Variants in ARHGDIB observed in about 807,000 individuals in gnomAD.
ARHGDIB encodes rho GDP-dissociation inhibitor 2.
In ARHGDIB, 20 loss-of-function variants were observed where a neutral mutation model predicts 22.6. The ratio of observed to expected loss-of-function variants is 0.88; its 90% confidence interval spans 0.62 to 1.28. ARHGDIB has a LOEUF of 1.28. Among genes scored for constraint, ARHGDIB ranks in the 50% most tolerant of loss-of-function variants. The pLI is 0.00. For missense variants in ARHGDIB, 254 were observed against 245.4 expected (o/e 1.04, Z -0.23); for synonymous variants, 114 against 96.1 (o/e 1.19, Z -1.09).
At chr12:14,944,537 T>C (rs1262993934) in intron 5 of ARHGDIB, among the ~76,000 whole-genome samples, 4 of 152,230 alleles carry the variant, frequency 2.6e-5, no homozygotes, top group Admixed American at 6.5e-5. Flanking sequence ...AGTGATAATA[T>C]TGAATCCAAA....
intron 4 of ARHGDIB, among the ~76,000 whole-genome samples, chr12:14,946,262 G>A (rs1222570039): frequency 6.6e-6 from 1 of 152,096 alleles, no homozygotes; most frequent in African/African-American, 2.4e-5. Context: ...TTGGGAGGCA[G>A]AAAAAAAGTT....
At chr12:14,952,608 G>T (rs775656840) in intron 1 of ARHGDIB, among the ~76,000 whole-genome samples, 1 of 152,222 alleles carries the variant, frequency 6.6e-6, no homozygotes, top group Non-Finnish European at 1.5e-5. Context: ...GCAGCGTGTA[G>T]ATGTTGTAGG....
intron 5 of ARHGDIB, 42 bp from the exon 6 acceptor site, chr12:14,942,763 A>T: frequency 6.4e-7 from 1 of 1,572,190 alleles, no homozygotes; most frequent in Non-Finnish European, 8.7e-7. Flanking sequence ...AGCCTGATAG[A>T]GGAAAAACAT....
chr12:14,950,491 T>C, intron 2 of ARHGDIB, 41 bp downstream of exon 2: 1 of 1,549,762 alleles, frequency 6.5e-7, no homozygotes, highest in Non-Finnish European at 8.7e-7. Context: ...TTCTTCCCTC[T>C]CAGCGATCTT....
At chr12:14,959,359 C>T (rs2430715) in intron 1 of ARHGDIB, among the ~76,000 whole-genome samples, 37,712 of 152,056 alleles carry the variant, frequency 0.25, 4,643 homozygotes, top group African/African-American at 0.27. Context: ...TAGGTAGGAC[C>T]ACAGGCACGC....
In ARHGDIB at chr12:14,946,942, T is replaced by C. The variant is rs117056813; in HGVS notation, c.342+931A>G. Among the ~76,000 whole-genome samples, 74 of 152,354 alleles carry C rather than the reference T, an allele frequency of 4.9e-4. No individual in the cohort carries two copies. The East Asian group carries it at 0.013, about 27-fold the overall frequency. On this transcript the variant is annotated intron_variant, in intron 4 of 5. Transcript: ENST00000228945. ...GTGAACCCTAGCTCAGTGTCCATTA[T>C]AGAGTAGGCATCAACAAATATTTCC... is the stretch of plus-strand genomic sequence containing the variant.
Position 14,942,529 on chromosome 12 carries a change from G to C in ARHGDIB, c.599C>G (p.Thr200Arg), listed in dbSNP as rs769335849. Reference sequence around the variant, plus strand: ...GGAAAGGGGTGGATGCATTCATTCTGTCCACTCCTTCTTAATCGACAGGTT... The same window carrying C: ...GGAAAGGGGTGGATGCATTCATTCTCTCCACTCCTTCTTAATCGACAGGTT... The part of the protein sequence containing the change: ...EWNLSIKKEW[T>R]E Residue 200 changes from threonine (T) to arginine (R), a missense_variant, in exon 6 of 6, where the codon ACA becomes AGA. Transcript: ENST00000228945. The C allele has an allele frequency of 1.2e-6, 2 of 1,614,114 alleles. No individual in the cohort carries two copies. The highest frequency in any genetic ancestry group is 1.3e-5 in the African/African-American group (1 of 75,024).
At chr12:14,960,628 C>T (rs1400680382) in intron 1 of ARHGDIB, among the ~76,000 whole-genome samples, 4 of 152,172 alleles carry the variant, frequency 2.6e-5, no homozygotes, top group Non-Finnish European at 5.9e-5. Context: ...CTCAGCCTCC[C>T]AAATAACTGG....
rs1274295746 is a variant in ARHGDIB, at chr12:14,949,892, G to A, written c.182-7C>T. On this transcript the variant is annotated splice_region_variant and splice_polypyrimidine_tract_variant and intron_variant, in intron 2 of 5. Transcript: ENST00000228945. ...ACATTGGGGGCTTTCGGATCTGCAG[G>A]ATCGAAAGGGAATGTAAGTACCAAG... The A allele has an allele frequency of 1.9e-6, 3 of 1,612,356 alleles. No individual in the cohort carries two copies. Among genetic ancestry groups the A allele is most frequent in the East Asian group, 2.2e-5 (1 of 44,854 alleles).
At chr12:14,943,770 GA>G (rs1471014891) in intron 5 of ARHGDIB, among the ~76,000 whole-genome samples, 1 of 152,182 alleles carries the variant, frequency 6.6e-6, no homozygotes, top group East Asian at 1.9e-4. Flanking sequence ...GTTGGGCATT[GA>G]AAAGTATACA....
chr12:14,949,132 C>T (rs993094846), intron 3 of ARHGDIB, among the ~76,000 whole-genome samples: 1 of 152,068 alleles, frequency 6.6e-6, no homozygotes, highest in African/African-American at 2.4e-5. Context: ...CTTTGAAGGC[C>T]CCAATCTCCT....
intron 1 of ARHGDIB, among the ~76,000 whole-genome samples, chr12:14,957,904 G>A (rs1219729793): frequency 9.9e-5 from 15 of 151,996 alleles, no homozygotes; most frequent in Non-Finnish European, 1.8e-4. Flanking sequence ...GAGAGAGAGG[G>A]AAGAGAGAGA....
At chr12:14,954,991 A>C (rs1053715170) in intron 1 of ARHGDIB, among the ~76,000 whole-genome samples, 6 of 152,232 alleles carry the variant, frequency 3.9e-5, no homozygotes, top group Non-Finnish European at 7.3e-5. Context: ...AAAATTAAAA[A>C]ATAAAATGTA....
At chr12:14,944,624 T>C (rs560657056) in intron 5 of ARHGDIB, 152 bp downstream of exon 5, 5 of 644,790 alleles carry the variant, frequency 7.8e-6, no homozygotes, top group Non-Finnish European at 1.3e-5. Flanking sequence ...AATGTCTATA[T>C]CAGAGGTGTA....
At chr12:14,946,965 T>G (rs1864030934) in intron 4 of ARHGDIB, among the ~76,000 whole-genome samples, 1 of 152,156 alleles carries the variant, frequency 6.6e-6, no homozygotes, top group Non-Finnish European at 1.5e-5. Context: ...AACAAATATT[T>G]CCAGGATGAA....
intron 5 of ARHGDIB, among the ~76,000 whole-genome samples, chr12:14,943,377 G>GTTTTTTTTTTT (rs10713403): frequency 2.6e-4 from 37 of 143,882 alleles, no homozygotes; most frequent in African/African-American, 9.1e-4. Flanking sequence ...GATTAAGCCT[G>GTTTTTTTTTTT]TTTTTTTTTT....
At chr12:14,953,901 T>C (rs1023788914) in intron 1 of ARHGDIB, among the ~76,000 whole-genome samples, 1 of 151,606 alleles carries the variant, frequency 6.6e-6, no homozygotes, top group Admixed American at 6.6e-5. Context: ...CTCTCCCTTC[T>C]TTCTTTCTCT....
intron 3 of ARHGDIB, among the ~76,000 whole-genome samples, chr12:14,948,337 C>A (rs1007779300): frequency 2.6e-5 from 4 of 152,052 alleles, no homozygotes; most frequent in Non-Finnish European, 5.9e-5. Flanking sequence ...ATGCCCCTTA[C>A]CCCTCAAATA....
chr12:14,956,685 G>T (rs1310403216), intron 1 of ARHGDIB, among the ~76,000 whole-genome samples: 1 of 152,140 alleles, frequency 6.6e-6, no homozygotes, highest in Non-Finnish European at 1.5e-5. Flanking sequence ...TTTCACACAG[G>T]CTTGCTACTC....
Sources: allele counts gnomAD v4.1 joint callset (sites outside exome capture counted in the v4.1 genomes callset), GRCh38; gene constraint gnomAD v4.1.1; transcripts MANE v1.5; gene names NCBI Gene and HGNC (gene_info 2026-07-23, HGNC 2026-07-21).